Variants in SRGAP1 observed in about 807,000 individuals in gnomAD.
SRGAP1 encodes the protein SLIT-ROBO Rho GTPase activating protein 1.
A neutral mutation model predicts 121.9 loss-of-function variants in SRGAP1; 43 were observed. The observed-to-expected ratio is 0.35, with a 90% CI of 0.28 to 0.46. The LOEUF (loss-of-function observed/expected upper bound fraction) is 0.46. Among genes scored for constraint, SRGAP1 ranks in the 20% least tolerant of loss-of-function variants. SRGAP1 has a pLI of 1.00. For synonymous variants in SRGAP1, 447 were observed against 485.4 expected (o/e 0.92, Z 1.04); for missense variants, 1,102 against 1,350.9 (o/e 0.82, Z 2.89).
chr12:63,871,922 A>G (rs1184324823), intron 1 of SRGAP1: 1 of 1,379,764 alleles, frequency 7.2e-7, no homozygotes, highest in Non-Finnish European at 1.0e-6. Context: ...CACCATAGCC[A>G]CTCTGCTTCT....
intron 4 of SRGAP1, among the ~76,000 whole-genome samples, chr12:64,034,698 G>A (rs989946844): frequency 6.6e-6 from 1 of 152,090 alleles, no homozygotes; most frequent in Non-Finnish European, 1.5e-5. Context: ...GAGTAATATT[G>A]TAATTCTGAT....
chr12:64,047,784 A>AT (rs1313078463), intron 6 of SRGAP1, among the ~76,000 whole-genome samples: 1 of 152,194 alleles, frequency 6.6e-6, no homozygotes, highest in African/African-American at 2.4e-5. Flanking sequence ...GTACATGTGT[A>AT]TTGTAAAAAA....
intron 4 of SRGAP1, among the ~76,000 whole-genome samples, chr12:64,030,824 A>G (rs1361781635): frequency 1.3e-5 from 2 of 152,274 alleles, no homozygotes; most frequent in South Asian, 2.1e-4. Context: ...TAGACAGACT[A>G]TAGGGGCATT....
intron 11 of SRGAP1, among the ~76,000 whole-genome samples, chr12:64,090,243 T>C (rs2036024275): frequency 1.3e-5 from 2 of 152,148 alleles, no homozygotes; most frequent in Non-Finnish European, 1.5e-5. Context: ...TTTCTAAATA[T>C]ACTACATGCT....
At chr12:64,057,631 C>G (rs2035368138) in intron 6 of SRGAP1, among the ~76,000 whole-genome samples, 1 of 152,120 alleles carries the variant, frequency 6.6e-6, no homozygotes, top group African/African-American at 2.4e-5. Flanking sequence ...AGTCTATACC[C>G]AATATCCATG....
At chr12:63,942,031 G>C (rs765781328) in intron 1 of SRGAP1, among the ~76,000 whole-genome samples, 7 of 152,132 alleles carry the variant, frequency 4.6e-5, no homozygotes, top group Non-Finnish European at 8.8e-5. Flanking sequence ...GTAATGATCT[G>C]AGGGGAACTC....
chr12:63,847,690 G>C (rs973175860), intron 1 of SRGAP1, among the ~76,000 whole-genome samples: 1 of 152,026 alleles, frequency 6.6e-6, no homozygotes, highest in African/African-American at 2.4e-5. Context: ...AAGTTGCAGT[G>C]AGCTGAAATT....
At chr12:63,931,981 G>A (rs1382041340) in intron 1 of SRGAP1, among the ~76,000 whole-genome samples, 2 of 152,208 alleles carry the variant, frequency 1.3e-5, no homozygotes, top group African/African-American at 4.8e-5. Context: ...TGCCTTGCAT[G>A]TTGTCAGTCC....
chr12:64,080,276 C>T lies in SRGAP1; in HGVS notation c.1324-10C>T. 6.3e-7 allele frequency: 1 copy of T among 1,593,558 alleles called. No homozygotes were observed. The highest frequency in any genetic ancestry group is 1.2e-5 in the South Asian group (1 of 85,854). On this transcript the variant is annotated splice_polypyrimidine_tract_variant and intron_variant, in intron 9 of 21. Transcript: ENST00000355086. ...AAAAAAGATTTAAAAATTATTCTTGCCTTTTGCAGAAACTCAGAGAATATT... is the reference window on the plus strand; with the variant it reads ...AAAAAAGATTTAAAAATTATTCTTGTCTTTTGCAGAAACTCAGAGAATATT...
intron 3 of SRGAP1, among the ~76,000 whole-genome samples, chr12:63,993,533 C>T (rs1426618346): frequency 6.6e-6 from 1 of 152,060 alleles, no homozygotes; most frequent in Admixed American, 6.6e-5. Context: ...TTGAGACTTC[C>T]GCATGTTTCA....
chr12:63,953,399 A>ATTT (rs34352334), intron 1 of SRGAP1, among the ~76,000 whole-genome samples: 4 of 114,714 alleles, frequency 3.5e-5, no homozygotes, highest in Non-Finnish European at 3.6e-5. Context: ...TTCTTGATTG[A>ATTT]TTTTTTTTTT....
At chr12:64,047,716 G>T (rs2136513277) in intron 6 of SRGAP1, among the ~76,000 whole-genome samples, 1 of 152,126 alleles carries the variant, frequency 6.6e-6, no homozygotes, top group African/African-American at 2.4e-5. Context: ...CATTATAAAT[G>T]GATCTATTGA....
chr12:63,969,481 C>A (rs991111468), intron 1 of SRGAP1, among the ~76,000 whole-genome samples: 4 of 151,038 alleles, frequency 2.6e-5, no homozygotes, highest in African/African-American at 9.7e-5. Flanking sequence ...GTACTGGCAG[C>A]AAAATGTACT....
chr12:63,963,077 T>G (rs1460316002), intron 1 of SRGAP1, among the ~76,000 whole-genome samples: 1 of 152,224 alleles, frequency 6.6e-6, no homozygotes, highest in African/African-American at 2.4e-5. Flanking sequence ...CTATTTTTGT[T>G]TGCTTACTTT....
chr12:64,003,097 A>AGGGAAGGAGGGG (rs1258949566), intron 3 of SRGAP1, among the ~76,000 whole-genome samples: 2 of 86,616 alleles, frequency 2.3e-5, no homozygotes, highest in African/African-American at 3.9e-5. Context: ...GGTGGGAGGG[A>AGGGAAGGAGGGG]GGGAGAAAGG....
chr12:64,091,841 G>A lies in SRGAP1; in HGVS notation c.1539+463G>A, dbSNP rs2036058972. The A allele has an allele frequency of 9.0e-6, 13 of 1,440,542 alleles. No homozygotes were observed. The South Asian group carries it at 1.3e-4, about 15-fold the overall frequency. The allele number at this position is 1,440,542 out of a possible 1,614,324, so 89.2% of individuals were successfully genotyped here. A position where few individuals can be genotyped will look rare whatever the true frequency, so the allele number is the denominator to read the frequency against. On this transcript the variant is annotated intron_variant, in intron 12 of 21. Transcript: ENST00000355086. ...ATGATCTATACCTTGTACCTCTGCT[G>A]TGTTTACTCTTCGTCTTCTTTTTCA...
intron 12 of SRGAP1, among the ~76,000 whole-genome samples, chr12:64,092,909 G>A (rs2036081578): frequency 6.6e-6 from 1 of 152,130 alleles, no homozygotes; most frequent in Admixed American, 6.5e-5. Context: ...TTCATTAAGA[G>A]CAGTTAAATG....
chr12:64,072,227 G>A (rs925186141), intron 8 of SRGAP1, among the ~76,000 whole-genome samples: 1 of 150,554 alleles, frequency 6.6e-6, no homozygotes, highest in African/African-American at 2.4e-5. Flanking sequence ...TACATTCAAG[G>A]TCAGCAATGA....
At chr12:63,961,277 T>C (rs2032634396) in intron 1 of SRGAP1, among the ~76,000 whole-genome samples, 1 of 152,214 alleles carries the variant, frequency 6.6e-6, no homozygotes, top group South Asian at 2.1e-4. Context: ...CACGCTCCAT[T>C]GGACAGCATG....
Sources: gnomAD v4.1 joint callset for allele counts (sites outside exome capture counted in the v4.1 genomes callset) on GRCh38, gnomAD v4.1.1 for gene constraint, MANE v1.5 for transcripts, NCBI Gene and HGNC (gene_info 2026-07-23, HGNC 2026-07-21) for gene names.